The following AGBL1 variants were observed in gnomAD, a reference collection of about 807,000 sequenced individuals.
AGBL1 encodes the protein cytosolic carboxypeptidase 4.
Under a neutral mutation model 118.9 loss-of-function variants are expected in AGBL1, and 130 were observed. The observed-to-expected ratio is 1.09, with a 90% CI of 0.95 to 1.26. The LOEUF is 1.26. AGBL1 is among the 50% of genes most tolerant of loss of function. The pLI is 0.00. For missense variants in AGBL1, 1,584 were observed against 1,298.1 expected (o/e 1.22, Z -3.38); for synonymous variants, 555 against 478.9 (o/e 1.16, Z -2.08).
chr15:86,637,725 G>A (rs1340614773), intron 21 of AGBL1, among the ~76,000 whole-genome samples: 9 of 152,078 alleles, frequency 5.9e-5, no homozygotes, highest in African/African-American at 2.2e-4. Flanking sequence ...GATTTTGCAG[G>A]TAGAATCAAC....
At chr15:86,408,702 A>G (rs2081569420) in intron 18 of AGBL1, among the ~76,000 whole-genome samples, 2 of 152,312 alleles carry the variant, frequency 1.3e-5, no homozygotes, top group South Asian at 2.1e-4. Flanking sequence ...GAAAATGTCA[A>G]TCTGGGTTCT....
At chr15:86,229,776 G>A (rs557834499) in intron 6 of AGBL1, among the ~76,000 whole-genome samples, 1 of 152,296 alleles carries the variant, frequency 6.6e-6, no homozygotes, top group East Asian at 1.9e-4. Context: ...ATGGGATTAT[G>A]CCTGATTTGT....
At chr15:86,933,406 A>G (rs1219246000) in intron 23 of AGBL1, among the ~76,000 whole-genome samples, 1 of 152,148 alleles carries the variant, frequency 6.6e-6, no homozygotes, top group African/African-American at 2.4e-5. Flanking sequence ...AAATGTAGGC[A>G]TAATTTCTAT....
chr15:86,706,547 G>C (rs556101502), intron 22 of AGBL1, among the ~76,000 whole-genome samples: 3 of 152,052 alleles, frequency 2.0e-5, no homozygotes, highest in Admixed American at 2.0e-4. Flanking sequence ...ATTTAAGTTT[G>C]CTTTGTAAAA....
intron 22 of AGBL1, among the ~76,000 whole-genome samples, chr15:86,774,497 CAG>C (rs2078225339): frequency 6.6e-6 from 1 of 151,924 alleles, no homozygotes; most frequent in Admixed American, 6.6e-5. Flanking sequence ...TTGAATGAAA[CAG>C]AGTATCTGAC....
chr15:86,773,073 G>A (rs1168639272), intron 22 of AGBL1, among the ~76,000 whole-genome samples: 2 of 151,992 alleles, frequency 1.3e-5, no homozygotes, highest in Non-Finnish European at 2.9e-5. Flanking sequence ...GTGCACTTAT[G>A]GGCCTTGATT....
At chr15:86,816,685 A>G (rs2078862273) in intron 22 of AGBL1, among the ~76,000 whole-genome samples, 2 of 152,114 alleles carry the variant, frequency 1.3e-5, no homozygotes, top group African/African-American at 4.8e-5. Context: ...AAACACAAAA[A>G]CAAAAATCCC....
At chr15:86,236,934 G>A (rs2078555190) in intron 6 of AGBL1, among the ~76,000 whole-genome samples, 1 of 45,880 alleles carries the variant, frequency 2.2e-5, no homozygotes, top group Non-Finnish European at 5.4e-5. Flanking sequence ...TATGTGGGCG[G>A]GGGGGGGCGG....
intron 22 of AGBL1, among the ~76,000 whole-genome samples, chr15:86,723,263 C>T (rs1369016892): frequency 6.6e-6 from 1 of 152,150 alleles, no homozygotes; most frequent in Admixed American, 6.5e-5. Context: ...CCAAATGTCC[C>T]AACAATGATA....
intron 5 of AGBL1, among the ~76,000 whole-genome samples, chr15:86,161,803 T>C (rs927904400): frequency 1.1e-4 from 17 of 152,204 alleles, no homozygotes; most frequent in Admixed American, 4.6e-4. Flanking sequence ...GGTAATGAAA[T>C]TGGAAGACCT....
intron 22 of AGBL1, among the ~76,000 whole-genome samples, chr15:86,830,595 C>G (rs1370456477): frequency 2.0e-5 from 3 of 152,126 alleles, no homozygotes; most frequent in Admixed American, 6.5e-5. Context: ...CATAAGTTCT[C>G]CCTGATCTAG....
At chr15:86,507,425 C>T (rs538167130) in intron 18 of AGBL1, among the ~76,000 whole-genome samples, 5 of 152,106 alleles carry the variant, frequency 3.3e-5, no homozygotes, top group South Asian at 2.1e-4. Flanking sequence ...CTATGTGTCA[C>T]GAATTGTTTT....
At chr15:86,113,233 T>C (rs1897518819) in intron 1 of AGBL1, among the ~76,000 whole-genome samples, 1 of 107,994 alleles carries the variant, frequency 9.3e-6, no homozygotes, top group Non-Finnish European at 1.7e-5. Flanking sequence ...TTTTCTTTTC[T>C]TTTCTTTTCT....
intron 5 of AGBL1, among the ~76,000 whole-genome samples, chr15:86,196,100 T>C (rs141025412): frequency 6.6e-6 from 1 of 152,344 alleles, no homozygotes; most frequent in African/African-American, 2.4e-5. Flanking sequence ...AGTGATTTTT[T>C]AGTTTTTTTC....
At chr15:86,832,265 G>A (rs947012139) in intron 22 of AGBL1, among the ~76,000 whole-genome samples, 10 of 152,152 alleles carry the variant, frequency 6.6e-5, no homozygotes, top group African/African-American at 1.4e-4. Context: ...TTGGCTCTTC[G>A]TTACTTATGC....
chr15:86,752,551 A>T (rs1387536331), intron 22 of AGBL1, among the ~76,000 whole-genome samples: 2 of 152,072 alleles, frequency 1.3e-5, no homozygotes, highest in Non-Finnish European at 2.9e-5. Context: ...TCCATGCTTT[A>T]GGGAGAATGC....
At chr15:86,724,100 G>C (rs1696289418) in intron 22 of AGBL1, among the ~76,000 whole-genome samples, 1 of 152,106 alleles carries the variant, frequency 6.6e-6, no homozygotes, top group Non-Finnish European at 1.5e-5. Flanking sequence ...GCCGGGTGCG[G>C]TGGCGGGCGC....
intron 23 of AGBL1, among the ~76,000 whole-genome samples, chr15:86,935,758 G>A (rs958206502): frequency 1.3e-5 from 2 of 152,206 alleles, no homozygotes; most frequent in Non-Finnish European, 2.9e-5. Flanking sequence ...TTTGCAAAGA[G>A]AGCCGCACTG....
intron 23 of AGBL1, among the ~76,000 whole-genome samples, chr15:86,964,540 T>C (rs2141691547): frequency 6.6e-6 from 1 of 152,012 alleles, no homozygotes; most frequent in East Asian, 1.9e-4. Context: ...TTACAGTAAA[T>C]CACCTCCTGA....
Sources: gnomAD v4.1 joint callset for allele counts (sites outside exome capture counted in the v4.1 genomes callset) on GRCh38, gnomAD v4.1.1 for gene constraint, MANE v1.5 for transcripts, NCBI Gene and HGNC (gene_info 2026-07-23, HGNC 2026-07-21) for gene names.